The following SEC23A variants were observed in gnomAD, a reference collection of about 807,000 sequenced individuals.
SEC23A encodes protein transport protein Sec23A.
A neutral mutation model predicts 103.7 loss-of-function variants in SEC23A; 56 were observed. The observed-to-expected ratio is 0.54, with a 90% CI of 0.44 to 0.67. SEC23A has a LOEUF of 0.67. Ranked by LOEUF, SEC23A falls within the 30% of genes least tolerant of loss-of-function variation. SEC23A has a pLI of 0.00. For synonymous variants in SEC23A, 281 were observed against 293.0 expected, an observed-to-expected ratio of 0.96 and a Z score of 0.42; for missense variants, 784 against 936.4, an observed-to-expected ratio of 0.84 and a Z score of 2.12.
intron 10 of SEC23A, among the ~76,000 whole-genome samples, chr14:39,066,479 T>C (rs1886671840): frequency 8.3e-6 from 1 of 120,482 alleles, no homozygotes; most frequent in Non-Finnish European, 1.8e-5. Flanking sequence ...CAGTTTCCTC[T>C]TTTTTTTTTT....
rs1566491612 is a variant in SEC23A, at chr14:39,059,308, A to AAAAAAC, written c.1505+2456_1505+2457insGTTTTT. Among the ~76,000 whole-genome samples the AAAAAAC allele has an allele frequency of 5.6e-5, 6 of 107,630 alleles. No individual in the cohort carries two copies. In the East Asian group the frequency reaches 7.2e-4, roughly 13 times the overall value. The allele number at this position is 107,630 out of a possible 152,430, so 70.6% of individuals were successfully genotyped here. On this transcript the variant is annotated intron_variant, in intron 13 of 19. Coordinates refer to ENST00000307712, the MANE Select transcript of SEC23A (RefSeq NM_006364.4). ...AAAAAAAAAAAAAAAAAAAAAAAAAAAACAACAAGGTGCTCTGATCATTGG... is the reference window on the plus strand; with the variant it reads ...AAAAAAAAAAAAAAAAAAAAAAAAAAAAAAACAACAACAAGGTGCTCTGATCATTGG...
intron 7 of SEC23A, 59 bp downstream of exon 7, chr14:39,085,685 TATATACACACACACACAC>T (rs1050459544): frequency 1.1e-5 from 11 of 957,124 alleles, no homozygotes; most frequent in Non-Finnish European, 1.4e-5. Context: ...CTTATAATTA[TATATACACACACACACAC>T]ACACACACAC....
At chr14:39,066,947 ATTG>A (rs1445246224) in intron 10 of SEC23A, among the ~76,000 whole-genome samples, 1 of 152,194 alleles carries the variant, frequency 6.6e-6, no homozygotes, top group Non-Finnish European at 1.5e-5. Context: ...TTTTACCAAT[ATTG>A]TTCTACTTTT....
chr14:39,055,771 C>G (rs941772487), intron 13 of SEC23A, among the ~76,000 whole-genome samples: 1 of 152,230 alleles, frequency 6.6e-6, no homozygotes, highest in Admixed American at 6.5e-5. Flanking sequence ...GAGACCCTCC[C>G]AGCACTCCCT....
In SEC23A at chr14:39,067,284, T is replaced by C. The variant is rs1566496766; in HGVS notation, c.1116A>G (p.Val372=). The C allele has an allele frequency of 6.2e-7, 1 of 1,613,554 alleles. No homozygotes were observed. The highest frequency in any genetic ancestry group is 8.5e-7 in the Non-Finnish European group (1 of 1,179,764). ...CCPNLTGGYM[V]MGDSFNTSLF... ...AGGAAGTATTGAAAGAATCACCCATTACCATGTATCCTCTGCATGGAAAGA... is the reference window on the plus strand; with the variant it reads ...AGGAAGTATTGAAAGAATCACCCATCACCATGTATCCTCTGCATGGAAAGA... Residue 372 remains valine (V), a synonymous_variant, in exon 10 of 20, where the codon GTA becomes GTG. Transcript: ENST00000307712.
chr14:39,081,338 C>T (rs1188244059), intron 7 of SEC23A, among the ~76,000 whole-genome samples: 1 of 151,878 alleles, frequency 6.6e-6, no homozygotes, highest in Non-Finnish European at 1.5e-5. Flanking sequence ...CTATCAGAAC[C>T]ACAGGAAAAA....
intron 2 of SEC23A, chr14:39,094,857 T>C: frequency 1.7e-6 from 1 of 605,164 alleles, no homozygotes; most frequent in Non-Finnish European, 2.9e-6. Context: ...TAACACAAGA[T>C]GAAGGCAGAA....
At chr14:39,091,766 C>A in intron 4 of SEC23A, 53 bp from the exon 5 acceptor site, 1 of 1,171,306 alleles carries the variant, frequency 8.5e-7, no homozygotes, top group Non-Finnish European at 1.3e-6. Flanking sequence ...GCACAGCATA[C>A]AAGACAGTCA....
rs887894803 is a variant in SEC23A at position 39,085,687 on chromosome 14, TATACACAC to T, written c.828+67_828+74del. ...GGTTCTTCTTATCCTTATAATTATATATACACACACACACACACACACACACACACACA... is the reference window on the plus strand; with the variant it reads ...GGTTCTTCTTATCCTTATAATTATATACACACACACACACACACACACACA... On this transcript the variant is annotated intron_variant, in intron 7 of 19. Transcript: ENST00000307712. 53 of 1,179,268 alleles carry T rather than the reference TATACACAC, an allele frequency of 4.5e-5. No individual in the cohort carries two copies. In the African/African-American group the frequency reaches 7.9e-4, roughly 18 times the overall value. 73.1% of individuals were successfully genotyped at this position (1,179,268 alleles called of 1,614,324 possible).
chr14:39,065,997 C>CAAAAAAAAAAAAAAAAA (rs59260008), intron 10 of SEC23A, among the ~76,000 whole-genome samples: 14 of 80,498 alleles, frequency 1.7e-4, no homozygotes, highest in South Asian at 4.4e-4. Context: ...AACTCCATCT[C>CAAAAAAAAAAAAAAAAA]AAAAAAAAAA....
chr14:39,101,746 C>T (rs1888105202), intron 1 of SEC23A, among the ~76,000 whole-genome samples: 1 of 152,102 alleles, frequency 6.6e-6, no homozygotes, highest in South Asian at 2.1e-4. Context: ...CTTCCAATTA[C>T]ATGTATTTGT....
At chr14:39,042,732 T>C (rs1379917731) in intron 17 of SEC23A, 54 bp downstream of exon 17, 1 of 1,139,006 alleles carries the variant, frequency 8.8e-7, no homozygotes, top group Non-Finnish European at 1.3e-6. Context: ...TAAGAAAACC[T>C]TTCTAAGTAA....
chr14:39,077,352 G>A (rs908792824), intron 7 of SEC23A, among the ~76,000 whole-genome samples: 1 of 151,290 alleles, frequency 6.6e-6, no homozygotes, highest in Non-Finnish European at 1.5e-5. Context: ...GACCAGCCTG[G>A]CCAATATGGT....
intron 7 of SEC23A, among the ~76,000 whole-genome samples, chr14:39,084,639 G>A (rs1461751250): frequency 6.6e-6 from 1 of 151,988 alleles, no homozygotes; most frequent in Non-Finnish European, 1.5e-5. Context: ...AAAAGCCTTG[G>A]ATTCTGTAGA....
At chr14:39,071,545 T>C (rs188951646) in intron 9 of SEC23A, among the ~76,000 whole-genome samples, 2 of 152,010 alleles carry the variant, frequency 1.3e-5, no homozygotes, top group Non-Finnish European at 2.9e-5. Flanking sequence ...TGAGACTCTG[T>C]CTCAAAATTT....
At chr14:39,083,629 C>T (rs1342334136) in intron 7 of SEC23A, among the ~76,000 whole-genome samples, 6 of 129,386 alleles carry the variant, frequency 4.6e-5, no homozygotes, top group Non-Finnish European at 9.3e-5. Flanking sequence ...GTGGTGCAAT[C>T]CCGGCTCACT....
At chr14:39,084,117 G>T (rs553098071) in intron 7 of SEC23A, among the ~76,000 whole-genome samples, 6 of 151,792 alleles carry the variant, frequency 4.0e-5, no homozygotes, top group African/African-American at 1.4e-4. Flanking sequence ...CACCTTCCGG[G>T]TTCAAGCGAT....
Position 39,100,085 on chromosome 14 carries a change from T to C in SEC23A, c.-22+2947A>G, listed in dbSNP as rs540707829. Among the ~76,000 whole-genome samples, 9 of 152,332 alleles carry C rather than the reference T, an allele frequency of 5.9e-5. No homozygotes were observed. The South Asian group carries it at 1.9e-3, about 32-fold the overall frequency. On this transcript the variant is annotated intron_variant, in intron 1 of 19. Coordinates refer to ENST00000307712, the MANE Select transcript of SEC23A (RefSeq NM_006364.4). ...ACTTCTTATTAAGACATACTAAATA[T>C]CACCTGAGTGATATCTGGGCACAAC...
Position 39,091,520 on chromosome 14 carries a change from T to A in SEC23A, c.560A>T (p.Tyr187Phe). 6.2e-7 allele frequency: 1 copy of A among 1,614,014 alleles called. No homozygotes were observed. The highest frequency in any genetic ancestry group is 8.5e-7 in the Non-Finnish European group (1 of 1,179,962). ...CAAATCTTTTGTTCCTCTGAAGACATAGCTTTTTGAAATGCCTTCACATCC... is the reference window on the plus strand; with the variant it reads ...CAAATCTTTTGTTCCTCTGAAGACAAAGCTTTTTGAAATGCCTTCACATCC... The part of the protein sequence containing the change: ...ELGCEGISKS[Y>F]VFRGTKDLSA... The change falls in exon 5 of 20, where the codon TAT (tyrosine) becomes TTT (phenylalanine). Residue 187 changes from tyrosine to phenylalanine, a missense_variant. By Grantham distance (22) the Tyr-to-Phe change is conservative. Coordinates refer to ENST00000307712, the MANE Select transcript of SEC23A (RefSeq NM_006364.4).
Sources: gnomAD v4.1 joint callset for allele counts (sites outside exome capture counted in the v4.1 genomes callset) on GRCh38, gnomAD v4.1.1 for gene constraint, MANE v1.5 for transcripts, NCBI Gene and HGNC (gene_info 2026-07-23, HGNC 2026-07-21) for gene names.